The following FBXL2 variants were observed in gnomAD, a reference collection of about 807,000 sequenced individuals.
FBXL2 encodes F-box/LRR-repeat protein 2.
A neutral mutation model predicts 69.2 loss-of-function variants in FBXL2; 38 were observed. That is an observed-to-expected ratio of 0.55 (90% confidence interval 0.42 to 0.72). FBXL2 has a LOEUF of 0.72. Ranked by LOEUF, FBXL2 falls within the 30% of genes least tolerant of loss-of-function variation. The probability of loss-of-function intolerance (pLI) is 0.00; values close to 1 mark genes in which losing one functional copy is unlikely to be tolerated. For missense variants in FBXL2, 354 were observed against 520.3 expected, an observed-to-expected ratio of 0.68 and a Z score of 3.11; for synonymous variants, 192 against 201.3, an observed-to-expected ratio of 0.95 and a Z score of 0.39.
intron 2 of FBXL2, among the ~76,000 whole-genome samples, chr3:33,322,342 T>A (rs965086647): frequency 1.3e-5 from 2 of 152,088 alleles, no homozygotes; most frequent in Middle Eastern, 3.2e-3. Context: ...CCTCCAAAAG[T>A]GCTGGGATTA....
intron 1 of FBXL2, among the ~76,000 whole-genome samples, chr3:33,295,869 C>G (rs2035696108): frequency 6.6e-6 from 1 of 152,176 alleles, no homozygotes; most frequent in South Asian, 2.1e-4. Context: ...ATTTACATAT[C>G]TTCTTTGCAG....
At chr3:33,277,708 C>T (rs1317528616) in intron 1 of FBXL2, among the ~76,000 whole-genome samples, 193 bp downstream of exon 1, 1 of 152,018 alleles carries the variant, frequency 6.6e-6, no homozygotes, top group Non-Finnish European at 1.5e-5. Flanking sequence ...TTCAGAGCGC[C>T]CGCCTGCCGG....
At chr3:33,399,883 T>C (rs1167489364) in intron 12 of FBXL2, among the ~76,000 whole-genome samples, 1 of 152,142 alleles carries the variant, frequency 6.6e-6, no homozygotes, top group East Asian at 1.9e-4. Flanking sequence ...AAAACAAAAA[T>C]TATTTCAAAA....
chr3:33,294,109 T>A (rs1422008674), intron 1 of FBXL2, among the ~76,000 whole-genome samples: 1 of 152,206 alleles, frequency 6.6e-6, no homozygotes, highest in Non-Finnish European at 1.5e-5. Flanking sequence ...AACATTTATT[T>A]TTTTTGAGAC....
At chr3:33,337,406 C>A (rs928629559) in intron 2 of FBXL2, among the ~76,000 whole-genome samples, 1 of 152,128 alleles carries the variant, frequency 6.6e-6, no homozygotes, top group Non-Finnish European at 1.5e-5. Flanking sequence ...ACAATCATCA[C>A]TTGTAGCAGG....
chr3:33,285,373 C>G (rs191895649), intron 1 of FBXL2, among the ~76,000 whole-genome samples: 1 of 152,220 alleles, frequency 6.6e-6, no homozygotes, highest in Non-Finnish European at 1.5e-5. Flanking sequence ...TTGGCCCCCA[C>G]TCTCTTCTGG....
At chr3:33,356,722 G>C (rs190852619) in intron 2 of FBXL2, among the ~76,000 whole-genome samples, 7 of 152,134 alleles carry the variant, frequency 4.6e-5, no homozygotes, top group African/African-American at 9.7e-5. Context: ...GAACTCTTAC[G>C]GGTTTCCAGA....
chr3:33,287,361 A>G (rs761856001), intron 1 of FBXL2, among the ~76,000 whole-genome samples: 1 of 152,154 alleles, frequency 6.6e-6, no homozygotes, highest in African/African-American at 2.4e-5. Context: ...TAGTAATTGT[A>G]ACAATAGCTT....
Position 33,396,299 on chromosome 3 carries a change from A to C in FBXL2, n.1215-6935A>C, listed in dbSNP as rs766937300. The C allele has an allele frequency of 5.1e-6, 8 of 1,553,946 alleles. No individual in the cohort carries two copies. The South Asian group carries it at 9.3e-5, about 18-fold the overall frequency. ...AACCGACCTGCAATCAGAAGATGCC[A>C]CTGATGAGCCTGGGAGAGAAAGCTG... On this transcript the variant is annotated intron_variant and non_coding_transcript_variant, in intron 12 of 12. Transcript: ENST00000463736.
At chr3:33,403,794 T>C (rs191264781), downstream of FBXL2, 2 of 152,326 alleles carry the variant, frequency 1.3e-5, no homozygotes, top group African/African-American at 4.8e-5. Flanking sequence ...GTCTTCAGAC[T>C]TGAGATACAG....
the FBXL2 span, among the ~76,000 whole-genome samples, chr3:33,411,362 A>G: frequency 6.6e-6 from 1 of 152,354 alleles, no homozygotes; most frequent in East Asian, 1.9e-4. Context: ...GGTAAAAATA[A>G]CATTTGAATA....
chr3:33,309,696 C>T (rs762874069), intron 2 of FBXL2, among the ~76,000 whole-genome samples: 16 of 152,080 alleles, frequency 1.1e-4, no homozygotes, highest in Non-Finnish European at 1.6e-4. Flanking sequence ...TTCTTTTTCA[C>T]GCACTTGATA....
intron 2 of FBXL2, among the ~76,000 whole-genome samples, chr3:33,340,598 AAGAAG>A (rs1053262837): frequency 6.7e-6 from 1 of 149,668 alleles, no homozygotes; most frequent in African/African-American, 2.4e-5. Flanking sequence ...AAAAAAAAAA[AAGAAG>A]GAAGTAGGCT....
At chr3:33,401,747 A>G (rs2044236968) in intron 12 of FBXL2, among the ~76,000 whole-genome samples, 1 of 152,244 alleles carries the variant, frequency 6.6e-6, no homozygotes, top group African/African-American at 2.4e-5. Context: ...AACACTTAGA[A>G]CAGTGCTGGG....
At chr3:33,360,253 G>GT (rs1356928316) in intron 4 of FBXL2, among the ~76,000 whole-genome samples, 4 of 152,102 alleles carry the variant, frequency 2.6e-5, no homozygotes, top group Admixed American at 6.6e-5. Context: ...AAATGAATGT[G>GT]TTTAACAGTA....
chr3:33,384,151 G>A lies in FBXL2; in HGVS notation c.1114G>A (p.Glu372Lys), dbSNP rs1231832103. The A allele has an allele frequency of 1.9e-6, 3 of 1,614,114 alleles. No homozygotes were observed. The highest frequency in any genetic ancestry group is 2.5e-6 in the Non-Finnish European group (3 of 1,180,020). ...GAACTGCCGAGGCCTGGAGCGCCTC[G>A]AGCTGTACGACTGCCAGCAGGTTAC... ...LENCRGLERL[E>K]LYDCQQVTRA... The change falls in exon 14 of 15, where the codon GAG becomes AAG. Residue 372 changes from glutamate to lysine, a missense_variant. Coordinates refer to ENST00000484457, the MANE Select transcript of FBXL2 (RefSeq NM_012157.5).
At position 33,375,412 on chromosome 3, in the gene FBXL2, G is replaced by A. The variant is rs1483259632; in HGVS notation, c.782G>A (p.Arg261Gln). Reference sequence around the variant, plus strand: ...ACAGCCCTGGGTTTGAACTGTCCGCGACTGCAGTGAGTACACTGCACTTTT... The same window carrying A: ...ACAGCCCTGGGTTTGAACTGTCCGCAACTGCAGTGAGTACACTGCACTTTT... ...SLTALGLNCP[R>Q]LQILEAARCS... The change falls in exon 10 of 15, where the codon CGA becomes CAA. Residue 261 changes from arginine to glutamine, a missense_variant. By Grantham distance (43) the Arg-to-Gln change is conservative. Coordinates refer to ENST00000484457, the MANE Select transcript of FBXL2 (RefSeq NM_012157.5). The A allele has an allele frequency of 1.2e-6, 2 of 1,613,968 alleles. No individual in the cohort carries two copies. Among genetic ancestry groups the A allele is most frequent in the Non-Finnish European group, 1.7e-6 (2 of 1,179,900 alleles).
intron 12 of FBXL2, chr3:33,403,207 C>T (rs974719928): frequency 2.1e-5 from 6 of 288,082 alleles, no homozygotes; most frequent in African/African-American, 1.4e-4. Context: ...CTTTCTCCTC[C>T]CTCTTTACCA....
At chr3:33,393,759 T>C (rs1008476107) in intron 12 of FBXL2, among the ~76,000 whole-genome samples, 10 of 152,188 alleles carry the variant, frequency 6.6e-5, no homozygotes, top group Admixed American at 6.5e-4. Flanking sequence ...TCAATGAATA[T>C]AGTTTCATGT....
Sources: gnomAD v4.1 joint callset for allele counts (sites outside exome capture counted in the v4.1 genomes callset) on GRCh38, gnomAD v4.1.1 for gene constraint, MANE v1.5 for transcripts, NCBI Gene and HGNC (gene_info 2026-07-23, HGNC 2026-07-21) for gene names.